SLC9A9: variants seen among roughly 807,000 people sequenced by gnomAD.
The protein encoded by SLC9A9 is sodium/hydrogen exchanger 9.
In SLC9A9, 62 loss-of-function variants were observed where a neutral mutation model predicts 77.8. The observed-to-expected ratio is 0.80, with a 90% CI of 0.65 to 0.98. The LOEUF (loss-of-function observed/expected upper bound fraction) is 0.98. Ranked by LOEUF, SLC9A9 falls within the 50% of genes least tolerant of loss-of-function variation. SLC9A9 has a pLI of 0.00. For missense variants in SLC9A9, 775 were observed against 774.9 expected (o/e 1.00, Z 0.00); for synonymous variants, 320 against 283.5 (o/e 1.13, Z -1.29).
chr3:143,654,570 A>G (rs891476709), intron 5 of SLC9A9, among the ~76,000 whole-genome samples: 1 of 152,228 alleles, frequency 6.6e-6, no homozygotes, highest in Non-Finnish European at 1.5e-5. Context: ...GCATCTACCC[A>G]AAACAAAAAA....
intron 5 of SLC9A9, among the ~76,000 whole-genome samples, chr3:143,655,341 A>G (rs1385519734): frequency 1.3e-5 from 2 of 152,340 alleles, no homozygotes; most frequent in Non-Finnish European, 2.9e-5. Context: ...CCAAGGCAGG[A>G]CTAAAAGTCA....
chr3:143,536,902 A>G (rs971700555), intron 9 of SLC9A9, among the ~76,000 whole-genome samples: 2 of 152,276 alleles, frequency 1.3e-5, no homozygotes, highest in East Asian at 1.9e-4. Flanking sequence ...GCTGCTGCAT[A>G]TTAGAACCAT....
chr3:143,513,504 G>A (rs1016615576), intron 9 of SLC9A9, among the ~76,000 whole-genome samples: 1 of 152,164 alleles, frequency 6.6e-6, no homozygotes, highest in African/African-American at 2.4e-5. Flanking sequence ...ATGAGGGTTG[G>A]AATCAACTTC....
At chr3:143,528,220 A>G (rs914546252) in intron 9 of SLC9A9, among the ~76,000 whole-genome samples, 2 of 152,204 alleles carry the variant, frequency 1.3e-5, no homozygotes, top group Non-Finnish European at 2.9e-5. Flanking sequence ...CTGTGACCTC[A>G]GTCAGGTTAC....
Position 143,652,334 on chromosome 3 carries a change from G to C in SLC9A9, c.676C>G (p.Leu226Val), listed in dbSNP as rs1164373464. Residue 226 changes from leucine (L) to valine (V), a missense_variant, in exon 6 of 16, where the codon CTG becomes GTG. Leu to Val is a conservative substitution (Grantham distance 32). Coordinates refer to ENST00000316549, the MANE Select transcript of SLC9A9 (RefSeq NM_173653.4). ...GTGTACAGGTCAGGGTCGACGTGCA[G>C]TTCATGGAAAATGGCCAGCACTGTC... ...PVTVLAIFHE[L>V]HVDPDLYTLL... is the part of the protein sequence containing the mutation. 6.2e-7 allele frequency: 1 copy of C among 1,612,946 alleles called. No homozygotes were observed. Among genetic ancestry groups the C allele is most frequent in the South Asian group, 1.1e-5 (1 of 90,768 alleles).
At chr3:143,485,652 A>G (rs2035642492) in intron 11 of SLC9A9, among the ~76,000 whole-genome samples, 1 of 152,176 alleles carries the variant, frequency 6.6e-6, no homozygotes, top group East Asian at 1.9e-4. Flanking sequence ...TTTGCTTTCC[A>G]GAGTTACCAT....
intron 4 of SLC9A9, among the ~76,000 whole-genome samples, chr3:143,715,657 A>G (rs1934324340): frequency 6.6e-6 from 1 of 152,182 alleles, no homozygotes; most frequent in Non-Finnish European, 1.5e-5. Flanking sequence ...CTCAGAAGCT[A>G]CTTGTCAAAT....
At chr3:143,530,768 T>A (rs1043875915) in intron 9 of SLC9A9, among the ~76,000 whole-genome samples, 19 of 152,228 alleles carry the variant, frequency 1.2e-4, no homozygotes, top group African/African-American at 4.3e-4. Flanking sequence ...GGCTTCTCAC[T>A]GTTCTGTCAA....
chr3:143,410,323 C>T (rs1247430794), intron 12 of SLC9A9, among the ~76,000 whole-genome samples: 1 of 152,196 alleles, frequency 6.6e-6, no homozygotes, highest in Non-Finnish European at 1.5e-5. Context: ...GTGAGTATGG[C>T]ACCTCTTACA....
intron 12 of SLC9A9, among the ~76,000 whole-genome samples, chr3:143,418,476 C>G (rs972500695): frequency 6.6e-6 from 1 of 151,986 alleles, no homozygotes; most frequent in African/African-American, 2.4e-5. Flanking sequence ...AAAGAAATTA[C>G]TTCTTGATTG....
intron 11 of SLC9A9, among the ~76,000 whole-genome samples, chr3:143,493,098 A>G (rs371879202): frequency 2.0e-4 from 31 of 152,340 alleles, no homozygotes; most frequent in African/African-American, 7.2e-4. Flanking sequence ...AGTTTCATCA[A>G]TCAGTGCCCA....
Position 143,266,915 on chromosome 3 carries a change from C to G in SLC9A9, c.1725G>C (p.Glu575Asp), listed in dbSNP as rs928677913. The G allele has an allele frequency of 2.5e-6, 4 of 1,613,982 alleles. No homozygotes were observed. The highest frequency in any genetic ancestry group is 1.7e-5 in the Admixed American group (1 of 60,026). The change falls in exon 16 of 16, where the codon GAG (glutamate) becomes GAC (aspartate). Residue 575 changes from glutamate (E) to aspartate (D), a missense_variant. By Grantham distance (45) the Glu-to-Asp change is conservative. Coordinates refer to ENST00000316549, the MANE Select transcript of SLC9A9 (RefSeq NM_173653.4). ...GGTTTACAATGCATTCCACATCATC[C>G]TCTTTTAGCTGTTCCTGGTTGGGAA... ...SPQAYGEQLK[E>D]DDVECIVNQD...
intron 2 of SLC9A9, among the ~76,000 whole-genome samples, chr3:143,831,768 G>A (rs2009440914): frequency 6.6e-6 from 1 of 152,016 alleles, no homozygotes; most frequent in Admixed American, 6.6e-5. Context: ...ATATAACTGT[G>A]GCTTGCAGAA....
chr3:143,392,059 T>G (rs971294096), intron 12 of SLC9A9, among the ~76,000 whole-genome samples: 3 of 152,158 alleles, frequency 2.0e-5, no homozygotes, highest in Admixed American at 6.5e-5. Flanking sequence ...TTCCCCAATC[T>G]AGCAAGGCAG....
intron 14 of SLC9A9, among the ~76,000 whole-genome samples, chr3:143,296,568 G>A (rs1238507792): frequency 6.6e-6 from 1 of 152,142 alleles, no homozygotes; most frequent in Non-Finnish European, 1.5e-5. Flanking sequence ...ATTCTTTTGG[G>A]TATATACCCA....
chr3:143,424,627 G>A (rs1270555267), intron 12 of SLC9A9, among the ~76,000 whole-genome samples: 1 of 152,070 alleles, frequency 6.6e-6, no homozygotes, highest in Admixed American at 6.5e-5. Flanking sequence ...GCCTCCCAAA[G>A]TGTTGGGATT....
At chr3:143,760,916 G>A (rs1267795436) in intron 4 of SLC9A9, among the ~76,000 whole-genome samples, 1 of 152,140 alleles carries the variant, frequency 6.6e-6, no homozygotes, top group African/African-American at 2.4e-5. Context: ...AAAGCTGGAG[G>A]CATCATGCTA....
chr3:143,470,269 A>G (rs561534422), intron 11 of SLC9A9, among the ~76,000 whole-genome samples: 1 of 152,234 alleles, frequency 6.6e-6, no homozygotes, highest in South Asian at 2.1e-4. Flanking sequence ...ACCTGAGGTC[A>G]GGAATTTGAG....
chr3:143,786,396 C>T (rs1386910020), intron 4 of SLC9A9, among the ~76,000 whole-genome samples: 1 of 152,060 alleles, frequency 6.6e-6, no homozygotes. Flanking sequence ...TCGGGACTTG[C>T]TTCATTTTCT....
Sources: gnomAD v4.1 joint callset for allele counts (sites outside exome capture counted in the v4.1 genomes callset) on GRCh38, gnomAD v4.1.1 for gene constraint, MANE v1.5 for transcripts, NCBI Gene and HGNC (gene_info 2026-07-23, HGNC 2026-07-21) for gene names.